Variants in PDE10A observed in about 807,000 individuals in gnomAD.
PDE10A encodes phosphodiesterase 10A.
PDE10A carries 39 observed loss-of-function variants against 97.7 expected under a neutral mutation model. The ratio of observed to expected loss-of-function variants is 0.40; its 90% CI spans 0.31 to 0.52. PDE10A has a LOEUF of 0.52. PDE10A is among the 20% of genes least tolerant of loss of function. The pLI is 0.56. For synonymous variants in PDE10A, 371 were observed against 376.8 expected, an observed-to-expected ratio of 0.98 and a Z score of 0.18; for missense variants, 731 against 1,047.8, an observed-to-expected ratio of 0.70 and a Z score of 4.17.
At chr6:165,817,286 T>C (rs963252437) in intron 1 of PDE10A, among the ~76,000 whole-genome samples, 13 of 152,072 alleles carry the variant, frequency 8.5e-5, no homozygotes, top group African/African-American at 3.1e-4. Flanking sequence ...GGAATAAACA[T>C]CCTGGGAAAG....
intron 2 of PDE10A, among the ~76,000 whole-genome samples, chr6:165,498,651 T>C (rs1449538511): frequency 2.6e-5 from 4 of 152,026 alleles, no homozygotes; most frequent in Non-Finnish European, 4.4e-5. Flanking sequence ...AAAGTGTTAA[T>C]AGTAGAAGAT....
intron 12 of PDE10A, among the ~76,000 whole-genome samples, chr6:165,414,816 T>C (rs1788190713): frequency 6.6e-6 from 1 of 152,210 alleles, no homozygotes; most frequent in South Asian, 2.1e-4. Context: ...GGTACTCGTT[T>C]CTCCACATCC....
chr6:165,943,596 G>A (rs963251963), intron 1 of PDE10A, among the ~76,000 whole-genome samples: 11 of 152,188 alleles, frequency 7.2e-5, no homozygotes, highest in Non-Finnish European at 1.2e-4. Flanking sequence ...TCCAGGGCCG[G>A]AGAAGATGAA....
intron 1 of PDE10A, among the ~76,000 whole-genome samples, chr6:165,825,216 C>T (rs576542682): frequency 4.0e-5 from 6 of 151,898 alleles, no homozygotes; most frequent in Non-Finnish European, 7.4e-5. Flanking sequence ...GGGGTGAGCT[C>T]CCGTTCCTGA....
intron 1 of PDE10A, among the ~76,000 whole-genome samples, chr6:165,925,250 A>T (rs1354233699): frequency 1.3e-5 from 2 of 152,166 alleles, no homozygotes; most frequent in Non-Finnish European, 2.9e-5. Context: ...ATAACACCAA[A>T]TGGTGGTGGG....
intron 1 of PDE10A, among the ~76,000 whole-genome samples, chr6:165,548,310 G>A (rs1368603220): frequency 1.4e-5 from 1 of 70,276 alleles, no homozygotes; most frequent in African/African-American, 5.7e-5. Context: ...TTTACTGCTT[G>A]TTGGTCTGCA....
intron 2 of PDE10A, among the ~76,000 whole-genome samples, chr6:165,492,837 C>T (rs1212016823): frequency 6.6e-6 from 1 of 152,032 alleles, no homozygotes; most frequent in Non-Finnish European, 1.5e-5. Context: ...AAGTCCTAGC[C>T]ACAGCAATCA....
chr6:165,758,020 G>A lies in PDE10A; in HGVS notation c.-614-214452C>T, dbSNP rs1243501934. On this transcript the variant is annotated intron_variant, in intron 1 of 19. Transcript: ENST00000366882. ...TGACAGGAAATTGAAGTATCCATATGTATTATTTCTTTGATGAACATATAT... is the reference window on the plus strand; with the variant it reads ...TGACAGGAAATTGAAGTATCCATATATATTATTTCTTTGATGAACATATAT... Among the ~76,000 whole-genome samples the A allele has an allele frequency of 2.0e-5, 3 of 152,170 alleles. No homozygotes were observed. The East Asian group carries it at 5.8e-4, about 29-fold the overall frequency.
upstream of PDE10A, among the ~76,000 whole-genome samples, chr6:165,664,009 C>T (rs1790427711): frequency 6.6e-6 from 1 of 152,198 alleles, no homozygotes; most frequent in Non-Finnish European, 1.5e-5. Context: ...CAGGCACGCG[C>T]GGCGGGGCCA....
At chr6:165,867,939 G>T (rs150794963) in intron 1 of PDE10A, among the ~76,000 whole-genome samples, 88 of 152,138 alleles carry the variant, frequency 5.8e-4, no homozygotes, top group Middle Eastern at 3.4e-3. Context: ...GGTCAGTAAA[G>T]AAATTAAGAG....
In PDE10A at chr6:165,448,887, T is replaced by C. The variant is rs767994987; in HGVS notation, c.1194+41A>G. 19 of 1,284,110 alleles carry C rather than the reference T, an allele frequency of 1.5e-5. No individual in the cohort carries two copies. In the East Asian group the frequency reaches 4.0e-4, roughly 27 times the overall value. The allele number at this position is 1,284,110 out of a possible 1,614,324, so 79.5% of individuals were successfully genotyped here. ...ACTTTTTTAAAGGAGCTTATGATAT[T>C]TTCTTATCTAGAGCACCAAAATCTA... On this transcript the variant is annotated intron_variant, in intron 5 of 21. Coordinates refer to ENST00000539869, the MANE Select transcript of PDE10A (RefSeq NM_001385079.1).
At chr6:165,504,836 A>G (rs1402539680) in intron 2 of PDE10A, among the ~76,000 whole-genome samples, 3 of 152,152 alleles carry the variant, frequency 2.0e-5, no homozygotes, top group African/African-American at 7.2e-5. Flanking sequence ...CTTTTGTTCC[A>G]CTTAGGCTGG....
intron 1 of PDE10A, among the ~76,000 whole-genome samples, chr6:165,698,579 G>A (rs555722134): frequency 1.3e-5 from 2 of 152,336 alleles, no homozygotes; most frequent in Admixed American, 6.5e-5. Flanking sequence ...GCCAGATGTG[G>A]TAGATCATGC....
At chr6:165,948,057 TCATATA>T (rs1783831102) in intron 1 of PDE10A, among the ~76,000 whole-genome samples, 1 of 151,030 alleles carries the variant, frequency 6.6e-6, no homozygotes, top group Non-Finnish European at 1.5e-5. Context: ...ATGCAAAGAA[TCATATA>T]CATATACATA....
chr6:165,556,473 G>A (rs1285940640), intron 1 of PDE10A, among the ~76,000 whole-genome samples: 2 of 152,192 alleles, frequency 1.3e-5, no homozygotes, highest in Non-Finnish European at 2.9e-5. Flanking sequence ...TGGTTCTTGA[G>A]ATGTGCTAGC....
intron 5 of PDE10A, among the ~76,000 whole-genome samples, chr6:165,440,824 A>G (rs947934973): frequency 1.3e-5 from 2 of 152,036 alleles, no homozygotes; most frequent in African/African-American, 4.8e-5. Context: ...TATACAATAA[A>G]TTTACTTTTG....
At chr6:165,971,539 A>T (rs940365739) in intron 1 of PDE10A, among the ~76,000 whole-genome samples, 7 of 152,200 alleles carry the variant, frequency 4.6e-5, no homozygotes, top group African/African-American at 1.7e-4. Context: ...GTGCGACTGT[A>T]CGTTTCATTT....
chr6:165,723,644 A>G (rs1241338259), intron 1 of PDE10A, among the ~76,000 whole-genome samples: 2 of 152,196 alleles, frequency 1.3e-5, no homozygotes, highest in African/African-American at 4.8e-5. Flanking sequence ...CCTATACTTT[A>G]GTTCTGTACT....
chr6:165,412,285 T>C (rs1315888060), intron 13 of PDE10A, among the ~76,000 whole-genome samples: 1 of 152,142 alleles, frequency 6.6e-6, no homozygotes, highest in Admixed American at 6.5e-5. Flanking sequence ...AATTTTCCCA[T>C]CCTAAGATCT....
Sources: gnomAD v4.1 joint callset for allele counts (sites outside exome capture counted in the v4.1 genomes callset) on GRCh38, gnomAD v4.1.1 for gene constraint, MANE v1.5 for transcripts, NCBI Gene and HGNC (gene_info 2026-07-23, HGNC 2026-07-21) for gene names.